The following CSMD1 variants were observed in gnomAD, a reference collection of about 807,000 sequenced individuals.
CSMD1 encodes the protein CUB and Sushi multiple domains 1.
In CSMD1, 213 loss-of-function variants were observed where a neutral mutation model predicts 417.5. The observed-to-expected ratio is 0.51, with a 90% CI of 0.46 to 0.57. CSMD1 has a LOEUF of 0.57. Among genes scored for constraint, CSMD1 ranks in the 20% least tolerant of loss-of-function variants. The probability of loss-of-function intolerance (pLI) is 0.00; values close to 1 mark genes in which losing one functional copy is unlikely to be tolerated. For missense variants in CSMD1, 6,923 were observed against 4,529.7 expected, an observed-to-expected ratio of 1.53 and a Z score of -15.17; for synonymous variants, 2,862 against 1,736.8, an observed-to-expected ratio of 1.65 and a Z score of -16.11.
intron 2 of CSMD1, among the ~76,000 whole-genome samples, chr8:4,494,189 T>G (rs534315130): frequency 2.6e-5 from 4 of 152,310 alleles, no homozygotes; most frequent in South Asian, 4.1e-4. Flanking sequence ...GCCACATAAA[T>G]GTTAAGAAAC....
chr8:4,622,790 A>C (rs1348502390), intron 2 of CSMD1, among the ~76,000 whole-genome samples: 1 of 152,150 alleles, frequency 6.6e-6, no homozygotes, highest in Non-Finnish European at 1.5e-5. Context: ...TACAGCACCC[A>C]AAAGAAGAAG....
chr8:3,820,321 T>A (rs998131355), intron 5 of CSMD1, among the ~76,000 whole-genome samples: 1 of 152,100 alleles, frequency 6.6e-6, no homozygotes, highest in African/African-American at 2.4e-5. Context: ...TAGTCTAAGA[T>A]GAATTCCTCT....
intron 2 of CSMD1, among the ~76,000 whole-genome samples, chr8:4,478,702 G>A (rs941069783): frequency 6.6e-6 from 1 of 152,170 alleles, no homozygotes; most frequent in African/African-American, 2.4e-5. Context: ...CTGGTTACTT[G>A]TAAAGCTGAT....
chr8:3,700,800 C>T (rs899842493), intron 7 of CSMD1, among the ~76,000 whole-genome samples: 15 of 152,038 alleles, frequency 9.9e-5, no homozygotes, highest in African/African-American at 3.4e-4. Context: ...AGGGTGGGAG[C>T]AAAGGAGTTC....
intron 6 of CSMD1, among the ~76,000 whole-genome samples, chr8:3,724,184 C>T (rs538468062): frequency 4.4e-5 from 4 of 91,602 alleles, no homozygotes; most frequent in African/African-American, 1.5e-4. Flanking sequence ...ACAATGCTAC[C>T]TCTTTTACTA....
intron 2 of CSMD1, among the ~76,000 whole-genome samples, chr8:4,469,015 A>T (rs200419495): frequency 6.6e-6 from 1 of 152,210 alleles, no homozygotes; most frequent in Non-Finnish European, 1.5e-5. Context: ...AAGGAAAAAA[A>T]GTTCAAAAGA....
At chr8:4,579,688 T>C (rs576553907) in intron 2 of CSMD1, among the ~76,000 whole-genome samples, 5 of 152,118 alleles carry the variant, frequency 3.3e-5, no homozygotes, top group African/African-American at 7.2e-5. Context: ...AGGATACTTC[T>C]GAAGCAAAAT....
At chr8:4,836,391 C>T (rs549890625) in intron 1 of CSMD1, among the ~76,000 whole-genome samples, 10 of 152,264 alleles carry the variant, frequency 6.6e-5, no homozygotes, top group Middle Eastern at 3.4e-3. Context: ...CTGACACTGA[C>T]GCCTCAGCTG....
At chr8:2,952,985 C>A (rs1428900702) in intron 65 of CSMD1, among the ~76,000 whole-genome samples, 2 of 152,134 alleles carry the variant, frequency 1.3e-5, no homozygotes, top group African/African-American at 4.8e-5. Flanking sequence ...GATGAGGAAT[C>A]ACATTCAATT....
chr8:4,348,650 A>G (rs555359024), intron 3 of CSMD1, among the ~76,000 whole-genome samples: 2,029 of 133,816 alleles, frequency 0.015, 24 homozygotes, highest in African/African-American at 0.017. Context: ...AGGGAGGGGG[A>G]GAGAGAGAGA....
intron 3 of CSMD1, among the ~76,000 whole-genome samples, chr8:4,189,684 GA>G (rs1191319346): frequency 6.6e-6 from 1 of 152,090 alleles, no homozygotes; most frequent in African/African-American, 2.4e-5. Flanking sequence ...CATTTGAACG[GA>G]AAGAGTGTTG....
chr8:4,486,380 C>T (rs1160888951), intron 2 of CSMD1, among the ~76,000 whole-genome samples: 1 of 150,178 alleles, frequency 6.7e-6, no homozygotes, highest in African/African-American at 2.4e-5. Flanking sequence ...TGTATATCTC[C>T]TTCTCATTTT....
At chr8:3,607,001 T>G (rs1306897526) in intron 8 of CSMD1, among the ~76,000 whole-genome samples, 1 of 152,186 alleles carries the variant, frequency 6.6e-6, no homozygotes, top group African/African-American at 2.4e-5. Flanking sequence ...TGAGCCGCCG[T>G]GCCTGGCCTA....
intron 1 of CSMD1, among the ~76,000 whole-genome samples, chr8:4,652,418 G>T (rs575832553): frequency 6.6e-6 from 1 of 152,046 alleles, no homozygotes; most frequent in Non-Finnish European, 1.5e-5. Context: ...TTGGGAGGAA[G>T]TGGGAATTTC....
rs115448150 is a variant in CSMD1, at chr8:4,527,239, C to T, written c.303-107174G>A. On this transcript the variant is annotated intron_variant, in intron 2 of 69. Coordinates refer to ENST00000635120, the MANE Select transcript of CSMD1 (RefSeq NM_033225.6). ...GCCAGTTGGGTTGCTGTAATTACAT[C>T]AAACATTAGCATTAGGAGTCTTTTT... Among the ~76,000 whole-genome samples, 247 of 152,244 alleles carry T rather than the reference C, an allele frequency of 1.6e-3. 1 individual carries two copies. The highest frequency in any genetic ancestry group is 5.7e-3 in the African/African-American group (238 of 41,534).
chr8:3,548,927 G>C (rs944430607), intron 10 of CSMD1, among the ~76,000 whole-genome samples: 24 of 152,088 alleles, frequency 1.6e-4, no homozygotes, highest in African/African-American at 5.1e-4. Context: ...CACACACTAA[G>C]TTCTCGCGTG....
At chr8:4,645,363 T>C (rs189531072) in intron 1 of CSMD1, among the ~76,000 whole-genome samples, 116 of 141,370 alleles carry the variant, frequency 8.2e-4, no homozygotes, top group Non-Finnish European at 1.3e-3. Context: ...GAGAAATTGT[T>C]GCATTAATGG....
chr8:3,344,622 A>G (rs1210228058), intron 22 of CSMD1, among the ~76,000 whole-genome samples: 1 of 152,202 alleles, frequency 6.6e-6, no homozygotes, highest in Non-Finnish European at 1.5e-5. Flanking sequence ...TTGTCTTAAT[A>G]GAAAAATGGT....
At chr8:4,253,184 TCTC>T (rs1329596451) in intron 3 of CSMD1, among the ~76,000 whole-genome samples, 2 of 152,292 alleles carry the variant, frequency 1.3e-5, no homozygotes, top group East Asian at 3.9e-4. Flanking sequence ...TCTGGTCTAT[TCTC>T]CTCTTCTACG....
Sources: allele counts gnomAD v4.1 joint callset (sites outside exome capture counted in the v4.1 genomes callset), GRCh38; gene constraint gnomAD v4.1.1; transcripts MANE v1.5; gene names NCBI Gene and HGNC (gene_info 2026-07-23, HGNC 2026-07-21).